Variants in USP30 observed in about 807,000 individuals in gnomAD.
USP30 encodes the protein ubiquitin specific peptidase 30, also known as ubiquitin carboxyl-terminal hydrolase 30.
Under a neutral mutation model 68.2 loss-of-function variants are expected in USP30, and 41 were observed. That is an observed-to-expected ratio of 0.60 (90% CI 0.47 to 0.78). The LOEUF is 0.78. USP30 is among the 30% of genes least tolerant of loss of function. The probability of loss-of-function intolerance (pLI) is 0.00; values close to 1 mark genes in which losing one functional copy is unlikely to be tolerated. For synonymous variants in USP30, 229 were observed against 253.7 expected, an observed-to-expected ratio of 0.90 and a Z score of 0.93; for missense variants, 522 against 649.4, an observed-to-expected ratio of 0.80 and a Z score of 2.13.
intron 3 of USP30, among the ~76,000 whole-genome samples, chr12:109,060,905 C>T (rs1383652485): frequency 1.3e-5 from 2 of 152,162 alleles, no homozygotes; most frequent in African/African-American, 2.4e-5. Context: ...CTTGGCCTCC[C>T]AAAGTGTTGG....
At chr12:109,081,123 T>C (rs1057386280) in intron 7 of USP30, among the ~76,000 whole-genome samples, 4 of 152,242 alleles carry the variant, frequency 2.6e-5, no homozygotes, top group Admixed American at 2.6e-4. Flanking sequence ...TTTCAGTTGT[T>C]CCAAGCGATT....
intron 11 of USP30, among the ~76,000 whole-genome samples, chr12:109,084,639 CA>C (rs2041896280): frequency 6.6e-6 from 1 of 152,180 alleles, no homozygotes; most frequent in Non-Finnish European, 1.5e-5. Flanking sequence ...TGGTTTAGGT[CA>C]AAAGCCAGTA....
At chr12:109,033,407 G>T (rs910375248) in intron 3 of USP30, among the ~76,000 whole-genome samples, 1 of 152,172 alleles carries the variant, frequency 6.6e-6, no homozygotes, top group Non-Finnish European at 1.5e-5. Context: ...ACAGGGATGG[G>T]TAACATTAGT....
intron 3 of USP30, among the ~76,000 whole-genome samples, chr12:109,061,836 A>T (rs1318937414): frequency 6.6e-6 from 1 of 152,206 alleles, no homozygotes; most frequent in Non-Finnish European, 1.5e-5. Flanking sequence ...CACCTTTCCC[A>T]AAAGGAAGCT....
chr12:109,066,725 C>T (rs1483698361), intron 3 of USP30, among the ~76,000 whole-genome samples: 1 of 152,080 alleles, frequency 6.6e-6, no homozygotes, highest in Non-Finnish European at 1.5e-5. Flanking sequence ...ACCCTTTAGG[C>T]TGCTGCATAT....
chr12:109,055,401 T>TACATATATATATATATATATATA (rs61062424), intron 1 of USP30, among the ~76,000 whole-genome samples: 1 of 29,636 alleles, frequency 3.4e-5, no homozygotes, highest in African/African-American at 1.2e-4. Context: ...TATATATATA[T>TACATATATATATATATATATATA]TTTTTTTTTT....
Position 109,085,064 on chromosome 12 carries a change from C to G in USP30, c.1280C>G (p.Pro427Arg). The change falls in exon 12 of 13, where the codon CCC becomes CGC. Residue 427 changes from proline (P) to arginine (R), a missense_variant. Coordinates refer to ENST00000257548, the MANE Select transcript of USP30 (RefSeq NM_032663.5). The part of the protein sequence containing the change: ...APMPFPLPVV[P>R]DYSSSTYLFR... ...ATGCCCTTCCCTCTCCCAGTTGTTC[C>G]CGACTACAGGTGAGCCACCCTTTAC... 1 of 1,590,284 alleles carries G rather than the reference C, an allele frequency of 6.3e-7. No homozygotes were observed. The highest frequency in any genetic ancestry group is 8.6e-7 in the Non-Finnish European group (1 of 1,165,888).
rs1227161734 is a variant in USP30, at chr12:109,052,734, G to T, written c.56G>T (p.Arg19Leu). 2 of 1,465,030 alleles carry T rather than the reference G, an allele frequency of 1.4e-6. No individual in the cohort carries two copies. Among genetic ancestry groups the T allele is most frequent in the Non-Finnish European group, 1.8e-6 (2 of 1,109,968 alleles). 90.8% of individuals were successfully genotyped at this position (1,465,030 alleles called of 1,614,324 possible). A position where few individuals can be genotyped will look rare whatever the true frequency, so the allele number is the denominator to read the frequency against. Reference sequence around the variant, plus strand: ...ACCGCGGCCGACAGGGCCATCCAGCGCTTCCTGCGGACCGGGGCGGCCGTC... The same window carrying T: ...ACCGCGGCCGACAGGGCCATCCAGCTCTTCCTGCGGACCGGGGCGGCCGTC... ...AMTAADRAIQ[R>L]FLRTGAAVRY... Residue 19 changes from arginine to leucine, a missense_variant, in exon 1 of 13, where the codon CGC becomes CTC. Physicochemically the swap from Arg to Leu is moderately radical, Grantham distance 102. Transcript: ENST00000257548.
At chr12:109,079,377 T>TG (rs1566103709) in intron 7 of USP30, among the ~76,000 whole-genome samples, 2 of 137,838 alleles carry the variant, frequency 1.5e-5, no homozygotes, top group African/African-American at 5.5e-5. Flanking sequence ...TTTTTTTTTT[T>TG]TTGTGACAGG....
At chr12:109,033,127 T>C (rs1006136774) in intron 3 of USP30, among the ~76,000 whole-genome samples, 1 of 152,212 alleles carries the variant, frequency 6.6e-6, no homozygotes, top group Non-Finnish European at 1.5e-5. Context: ...ATTCAAAAAA[T>C]GGATTTGTCT....
intron 11 of USP30, 106 bp from the exon 12 acceptor site, chr12:109,084,847 T>C (rs1458126745): frequency 7.9e-7 from 1 of 1,272,898 alleles, no homozygotes; most frequent in African/African-American, 1.5e-5. Flanking sequence ...AATAGATTTT[T>C]TTCTTTGTAG....
At chr12:109,064,531 C>T (rs559758352) in intron 3 of USP30, among the ~76,000 whole-genome samples, 2 of 152,286 alleles carry the variant, frequency 1.3e-5, no homozygotes, top group East Asian at 3.9e-4. Flanking sequence ...TTAACCACCT[C>T]GGCCTCCCAG....
intron 12 of USP30, 111 bp downstream of exon 12, chr12:109,085,184 TAAG>T: frequency 8.3e-7 from 1 of 1,198,692 alleles, no homozygotes; most frequent in Non-Finnish European, 1.1e-6. Context: ...TTTTTCATTT[TAAG>T]GTGAAGTTTC....
Position 109,081,991 on chromosome 12 carries a change from G to T in USP30, c.839G>T (p.Arg280Leu), listed in dbSNP as rs778114585. Reference protein sequence around the residue: ...LHHFISSESVRDVVCDNCTKI... With the variant: ...LHHFISSESVLDVVCDNCTKI... ...CACTTCATCTCATCAGAATCAGTGC[G>T]GGATGTTGTGTGTGACAACTGTACA... The change falls in exon 9 of 13, where the codon CGG becomes CTG. Residue 280 changes from arginine (R) to leucine (L), a missense_variant. Transcript: ENST00000257548. The T allele has an allele frequency of 6.2e-7, 1 of 1,614,156 alleles. No individual in the cohort carries two copies. Among genetic ancestry groups the T allele is most frequent in the Non-Finnish European group, 8.5e-7 (1 of 1,180,032 alleles).
intron 3 of USP30, among the ~76,000 whole-genome samples, chr12:109,060,309 G>GA (rs1305959273): frequency 6.6e-6 from 1 of 151,984 alleles, no homozygotes; most frequent in Admixed American, 6.6e-5. Flanking sequence ...ATCATTTTTG[G>GA]AAAAAAACTA....
In USP30 at chr12:109,038,002, C is replaced by CT. The variant is rs887001804; in HGVS notation, c.-135-9579dup. Among the ~76,000 whole-genome samples, 528 of 151,532 alleles carry CT rather than the reference C, an allele frequency of 3.5e-3. 1 individual carries two copies. Among genetic ancestry groups the CT allele is most frequent in the African/African-American group, 0.012 (493 of 41,316 alleles). ...CTGAATATCTGATTCCTCAGATTTTCTTTTTTTTTCTTCCACTTTTATTTT... is the reference window on the plus strand; with the variant it reads ...CTGAATATCTGATTCCTCAGATTTTCTTTTTTTTTTCTTCCACTTTTATTTT... On this transcript the variant is annotated intron_variant, in intron 3 of 15. Coordinates refer to the USP30 transcript ENST00000392784.
intron 7 of USP30, among the ~76,000 whole-genome samples, chr12:109,074,011 C>G (rs187440216): frequency 1.3e-5 from 2 of 152,278 alleles, no homozygotes. Context: ...AAACTCCATA[C>G]TCATTAGCAA....
At chr12:109,076,410 C>CTTTTTTTTTTTTTT (rs60618572) in intron 7 of USP30, among the ~76,000 whole-genome samples, 1 of 135,656 alleles carries the variant, frequency 7.4e-6, no homozygotes, top group Non-Finnish European at 1.6e-5. Context: ...ATCTTTATTC[C>CTTTTTTTTTTTTTT]TTTTTTTTTT....
intron 1 of USP30, chr12:109,023,304 G>T (rs1430340954): frequency 6.6e-6 from 1 of 152,316 alleles, no homozygotes; most frequent in Admixed American, 6.5e-5. Flanking sequence ...TATAATCCCA[G>T]CACTCTGGGA....
Sources: gnomAD v4.1 joint callset for allele counts (sites outside exome capture counted in the v4.1 genomes callset) on GRCh38, gnomAD v4.1.1 for gene constraint, MANE v1.5 for transcripts, NCBI Gene and HGNC (gene_info 2026-07-23, HGNC 2026-07-21) for gene names.